The following NALF1 variants were observed in gnomAD, a reference collection of about 807,000 sequenced individuals.
NALF1 encodes family with sequence similarity 155 member A.
NALF1 carries 3 observed loss-of-function variants against 48.4 expected under a neutral mutation model. The observed-to-expected ratio is 0.06, with a 90% confidence interval of 0.03 to 0.16. NALF1 has a LOEUF of 0.16. NALF1 is among the 10% of genes least tolerant of loss of function. The pLI is 1.00. For synonymous variants in NALF1, 262 were observed against 245.7 expected (o/e 1.07, Z -0.62); for missense variants, 526 against 571.5 (o/e 0.92, Z 0.81).
chr13:107,726,916 TG>T (rs1876171477), intron 1 of NALF1, among the ~76,000 whole-genome samples: 2 of 52,170 alleles, frequency 3.8e-5, no homozygotes. Flanking sequence ...CAAATTCTTG[TG>T]TGTGTGTGTG....
At chr13:107,283,982 T>C (rs114561520) in intron 1 of NALF1, among the ~76,000 whole-genome samples, 2,274 of 152,230 alleles carry the variant, frequency 0.015, 64 homozygotes, top group African/African-American at 0.052. Flanking sequence ...CACTCATCTT[T>C]GTTTTGCCTG....
chr13:107,403,717 A>T (rs1883851457), intron 1 of NALF1, among the ~76,000 whole-genome samples: 1 of 97,292 alleles, frequency 1.0e-5, no homozygotes, highest in South Asian at 2.5e-4. Context: ...CTTTTGCCAC[A>T]AATTTTAAAA....
At chr13:107,822,590 CAGA>C (rs1879391431) in intron 1 of NALF1, among the ~76,000 whole-genome samples, 1 of 152,154 alleles carries the variant, frequency 6.6e-6, no homozygotes, top group African/African-American at 2.4e-5. Context: ...TGTTACAGCA[CAGA>C]AGTAGTCAGC....
At chr13:107,216,988 T>C (rs1489983406) in intron 1 of NALF1, among the ~76,000 whole-genome samples, 1 of 152,182 alleles carries the variant, frequency 6.6e-6, no homozygotes, top group Non-Finnish European at 1.5e-5. Context: ...TAAGAAGCAT[T>C]TGTCAATATG....
chr13:107,195,840 T>C (rs753018824), intron 2 of NALF1, among the ~76,000 whole-genome samples: 34 of 152,322 alleles, frequency 2.2e-4, no homozygotes, highest in Middle Eastern at 6.8e-3. Context: ...ATTCACCACA[T>C]TTATTCTTAC....
At chr13:107,510,410 G>A (rs1263956298) in intron 1 of NALF1, among the ~76,000 whole-genome samples, 2 of 152,076 alleles carry the variant, frequency 1.3e-5, no homozygotes, top group Admixed American at 1.3e-4. Context: ...CTTTTAAATG[G>A]AAAAATCAAG....
intron 1 of NALF1, among the ~76,000 whole-genome samples, chr13:107,478,922 A>G (rs553472863): frequency 6.6e-6 from 1 of 152,294 alleles, no homozygotes; most frequent in Admixed American, 6.5e-5. Flanking sequence ...TCCAGATCCT[A>G]AAATAAAATA....
chr13:107,570,411 T>C (rs1176902135), intron 1 of NALF1, among the ~76,000 whole-genome samples: 1 of 152,032 alleles, frequency 6.6e-6, no homozygotes, highest in Non-Finnish European at 1.5e-5. Context: ...CGTACTGAAT[T>C]TTGTCAAATG....
Position 107,170,500 on chromosome 13 carries a change from C to A in NALF1, c.1374G>T (p.Glu458Asp). Reference sequence around the variant, plus strand: ...TGTGGTGACACTCGTCCTTCCGTTACTCCTCATTGGTTGAGTTTTCTTCCA... The same window carrying A: ...TGTGGTGACACTCGTCCTTCCGTTAATCCTCATTGGTTGAGTTTTCTTCCA... ...NTLEENSTNE[E>D] The change falls in exon 3 of 3, where the codon GAG becomes GAT. Residue 458 changes from glutamate (E) to aspartate (D), a missense_variant. Physicochemically the swap from Glu to Asp is conservative, Grantham distance 45. Transcript: ENST00000375915. The A allele has an allele frequency of 6.3e-7, 1 of 1,594,970 alleles. No individual in the cohort carries two copies. The highest frequency in any genetic ancestry group is 8.6e-7 in the Non-Finnish European group (1 of 1,168,696).
intron 1 of NALF1, among the ~76,000 whole-genome samples, chr13:107,739,987 C>G (rs1198824986): frequency 1.3e-5 from 2 of 152,114 alleles, no homozygotes; most frequent in African/African-American, 2.4e-5. Context: ...AGGGCTTGCA[C>G]TGATTCTACA....
At chr13:107,562,969 A>G (rs1877690318) in intron 1 of NALF1, among the ~76,000 whole-genome samples, 1 of 152,188 alleles carries the variant, frequency 6.6e-6, no homozygotes, top group African/African-American at 2.4e-5. Context: ...TAAAACTTAC[A>G]TGAGTAGGCT....
intron 1 of NALF1, among the ~76,000 whole-genome samples, chr13:107,819,764 T>TCA (rs1398183489): frequency 9.6e-4 from 144 of 150,006 alleles, no homozygotes; most frequent in South Asian, 1.9e-3. Context: ...TCTCTCTCTT[T>TCA]CACACACACA....
chr13:107,469,733 CTTTTTTTTTTTTTTTTTTTTT>C (rs61241553), intron 1 of NALF1, among the ~76,000 whole-genome samples: 1 of 79,956 alleles, frequency 1.3e-5, no homozygotes, highest in Non-Finnish European at 2.2e-5. Flanking sequence ...AACTGTGTAT[CTTTTTTTTTTTTTTTTTTTTT>C]TTTTTTTGAG....
intron 1 of NALF1, among the ~76,000 whole-genome samples, chr13:107,272,813 C>G (rs547115560): frequency 6.6e-6 from 1 of 152,214 alleles, no homozygotes; most frequent in African/African-American, 2.4e-5. Context: ...GGGTGTAAAT[C>G]GTGCGTTGCC....
rs1876774220 is a variant in NALF1, at chr13:107,535,441, C to G, written c.916-324686G>C. 2.0e-5 allele frequency among the ~76,000 whole-genome samples: 3 copies of G among 151,938 alleles called. No individual in the cohort carries two copies. The South Asian group carries it at 6.2e-4, about 31-fold the overall frequency. On this transcript the variant is annotated intron_variant, in intron 1 of 2. Transcript: ENST00000375915. ...TTCTTATACACCAATAACAGACAAA[C>G]AGAGAGCCAAATCATGAGTGAACTC... is the stretch of plus-strand genomic sequence containing the variant.
intron 1 of NALF1, among the ~76,000 whole-genome samples, chr13:107,682,156 C>T (rs1005864829): frequency 6.6e-6 from 1 of 152,218 alleles, no homozygotes; most frequent in African/African-American, 2.4e-5. Context: ...AACTTCTCTT[C>T]AGGCCCGCAT....
intron 1 of NALF1, among the ~76,000 whole-genome samples, chr13:107,285,686 T>A (rs1881479285): frequency 6.6e-6 from 1 of 151,994 alleles, no homozygotes; most frequent in South Asian, 2.1e-4. Flanking sequence ...AGAGGATGCA[T>A]GTAGTATACA....
intron 1 of NALF1, among the ~76,000 whole-genome samples, chr13:107,704,821 T>C (rs1454440473): frequency 6.6e-6 from 1 of 152,172 alleles, no homozygotes; most frequent in Non-Finnish European, 1.5e-5. Flanking sequence ...TCAATTTCTC[T>C]AGCTCACTAT....
chr13:107,381,456 C>A (rs1044269630), intron 1 of NALF1, among the ~76,000 whole-genome samples: 3 of 151,938 alleles, frequency 2.0e-5, no homozygotes, highest in African/African-American at 4.8e-5. Flanking sequence ...CCTTGGCCCC[C>A]CAAAGTGGAA....
Sources: gnomAD v4.1 joint callset for allele counts (sites outside exome capture counted in the v4.1 genomes callset) on GRCh38, gnomAD v4.1.1 for gene constraint, MANE v1.5 for transcripts, NCBI Gene and HGNC (gene_info 2026-07-23, HGNC 2026-07-21) for gene names.